Variants in ADAM18 observed in about 807,000 individuals in gnomAD.
The protein encoded by ADAM18 is disintegrin and metalloproteinase domain-containing protein 18.
Under a neutral mutation model 94.4 loss-of-function variants are expected in ADAM18, and 117 were observed. The ratio of observed to expected loss-of-function variants is 1.24; its 90% CI spans 1.07 to 1.45. ADAM18 has a LOEUF of 1.45. Ranked by LOEUF, ADAM18 falls within the 40% of genes most tolerant of loss-of-function variation. The probability of loss-of-function intolerance (pLI) is 0.00; values close to 1 mark genes in which losing one functional copy is unlikely to be tolerated. For synonymous variants in ADAM18, 327 were observed against 291.6 expected (o/e 1.12, Z -1.24); for missense variants, 936 against 880.0 (o/e 1.06, Z -0.81).
Position 39,618,691 on chromosome 8 carries a change from C to T in ADAM18, c.522+7985C>T, listed in dbSNP as rs191376494. 1.4e-4 allele frequency among the ~76,000 whole-genome samples: 21 copies of T among 152,270 alleles called. No individual in the cohort carries two copies. In the East Asian group the frequency reaches 4.1e-3, roughly 29 times the overall value. On this transcript the variant is annotated intron_variant, in intron 6 of 19. Transcript: ENST00000265707. ...TAGAAGAGCCGTGGCAAGATGAGGG[C>T]ATTTATAGCCCTTTCTTATCCATAT...
intron 16 of ADAM18, among the ~76,000 whole-genome samples, chr8:39,689,973 G>A (rs34203431): frequency 0.5 from 76,761 of 152,046 alleles, 21,596 homozygotes; most frequent in Middle Eastern, 0.64. Context: ...GTGAATGGGA[G>A]TACATTCCTG....
chr8:39,648,426 C>T lies in ADAM18; in HGVS notation c.1129C>T (p.Leu377Phe). ...YFVSKFETKC[L>F]QKLSNLQPLH... ...TGTTTCAAAATTTGAGACTAAATGC[C>T]TTCAGAAGCTTTCAAATTTGCAACC... The change falls in exon 12 of 20, where the codon CTT (leucine) becomes TTT (phenylalanine). Residue 377 changes from leucine (L) to phenylalanine (F), a missense_variant. Transcript: ENST00000265707. 6.2e-7 allele frequency: 1 copy of T among 1,612,736 alleles called. No individual in the cohort carries two copies.
At chr8:39,602,654 G>T (rs939244444) in intron 2 of ADAM18, among the ~76,000 whole-genome samples, 1 of 151,980 alleles carries the variant, frequency 6.6e-6, no homozygotes, top group Non-Finnish European at 1.5e-5. Context: ...TTTAAATTGG[G>T]TTGTTTCTTG....
At chr8:39,650,994 C>T (rs892386347) in intron 12 of ADAM18, among the ~76,000 whole-genome samples, 3 of 152,190 alleles carry the variant, frequency 2.0e-5, no homozygotes, top group Non-Finnish European at 2.9e-5. Flanking sequence ...TCGGGCGTTT[C>T]TCAGAGAGGG....
At chr8:39,597,531 A>T (rs553553647) in intron 2 of ADAM18, among the ~76,000 whole-genome samples, 1 of 152,308 alleles carries the variant, frequency 6.6e-6, no homozygotes, top group Admixed American at 6.5e-5. Context: ...TGTTGAAAAG[A>T]CTGTCTTTAC....
At chr8:39,689,595 A>G (rs1409494087) in intron 16 of ADAM18, among the ~76,000 whole-genome samples, 1 of 152,206 alleles carries the variant, frequency 6.6e-6, no homozygotes, top group Admixed American at 6.5e-5. Flanking sequence ...TGGTTACTGT[A>G]GCCCTGTAGG....
chr8:39,674,721 T>G (rs1015989286), intron 14 of ADAM18, among the ~76,000 whole-genome samples: 8 of 152,216 alleles, frequency 5.3e-5, no homozygotes, highest in Non-Finnish European at 1.0e-4. Flanking sequence ...TCTACATCGA[T>G]GGTCTTTACA....
At chr8:39,692,238 AT>A (rs1821801851) in intron 16 of ADAM18, among the ~76,000 whole-genome samples, 1 of 151,846 alleles carries the variant, frequency 6.6e-6, no homozygotes, top group Admixed American at 6.6e-5. Context: ...AAGACAAGTC[AT>A]TAACATCTAA....
At chr8:39,664,368 G>A (rs1251973296) in intron 13 of ADAM18, among the ~76,000 whole-genome samples, 1 of 152,080 alleles carries the variant, frequency 6.6e-6, no homozygotes, top group Non-Finnish European at 1.5e-5. Flanking sequence ...GAGAAGATGT[G>A]TGTAAGTTAT....
chr8:39,726,095 T>A (rs1358455656), intron 19 of ADAM18, among the ~76,000 whole-genome samples: 1 of 152,118 alleles, frequency 6.6e-6, no homozygotes, highest in Admixed American at 6.5e-5. Flanking sequence ...TAATATCTCA[T>A]AGTGGTCTTC....
At chr8:39,692,242 A>G (rs1375701758) in intron 16 of ADAM18, among the ~76,000 whole-genome samples, 2 of 151,826 alleles carry the variant, frequency 1.3e-5, no homozygotes, top group Admixed American at 1.3e-4. Flanking sequence ...CAAGTCATTA[A>G]CATCTAATCA....
intron 18 of ADAM18, among the ~76,000 whole-genome samples, chr8:39,720,607 AAC>A (rs1384248407): frequency 6.6e-6 from 1 of 151,562 alleles, no homozygotes; most frequent in Non-Finnish European, 1.5e-5. Flanking sequence ...TGAAAAAACT[AAC>A]ACATCAAAAC....
intron 18 of ADAM18, among the ~76,000 whole-genome samples, chr8:39,720,126 A>G (rs886853218): frequency 6.6e-6 from 1 of 151,652 alleles, no homozygotes; most frequent in Non-Finnish European, 1.5e-5. Context: ...ATCAAATAAT[A>G]AAAAGAAATA....
chr8:39,592,459 A>G (rs1477796386), intron 2 of ADAM18, among the ~76,000 whole-genome samples: 1 of 152,224 alleles, frequency 6.6e-6, no homozygotes, highest in African/African-American at 2.4e-5. Context: ...CCAACAGTTC[A>G]CTGGATAAAT....
At chr8:39,711,155 C>G (rs1437640108) in intron 18 of ADAM18, among the ~76,000 whole-genome samples, 1 of 152,150 alleles carries the variant, frequency 6.6e-6, no homozygotes, top group African/African-American at 2.4e-5. Flanking sequence ...AACAAAAACT[C>G]TGGGAGTCAG....
intron 6 of ADAM18, among the ~76,000 whole-genome samples, chr8:39,625,011 C>A (rs973900212): frequency 2.6e-5 from 4 of 152,148 alleles, no homozygotes; most frequent in African/African-American, 9.7e-5. Context: ...AATAAAATTG[C>A]TTTGGCTATT....
chr8:39,634,520 C>T (rs927468315), intron 7 of ADAM18, among the ~76,000 whole-genome samples: 2 of 152,178 alleles, frequency 1.3e-5, no homozygotes, highest in South Asian at 4.1e-4. Flanking sequence ...TCAAATCCCA[C>T]CCCAATGTGT....
chr8:39,656,195 GA>G (rs201971418), intron 12 of ADAM18, among the ~76,000 whole-genome samples: 11 of 142,858 alleles, frequency 7.7e-5, no homozygotes, highest in Admixed American at 2.1e-4. Flanking sequence ...AGGTGATCTT[GA>G]AAAAAAAAAC....
chr8:39,603,194 T>C (rs930745361), intron 2 of ADAM18, among the ~76,000 whole-genome samples: 9 of 152,330 alleles, frequency 5.9e-5, no homozygotes, highest in African/African-American at 2.2e-4. Flanking sequence ...ATTTCTGGGC[T>C]CTTTTTTCTA....
Sources: allele counts gnomAD v4.1 joint callset (sites outside exome capture counted in the v4.1 genomes callset), GRCh38; gene constraint gnomAD v4.1.1; transcripts MANE v1.5; gene names NCBI Gene and HGNC (gene_info 2026-07-23, HGNC 2026-07-21).